UNC119: variants seen among roughly 807,000 people sequenced by gnomAD.
UNC119 encodes the protein unc-119 lipid binding chaperone, also known as protein unc-119 homolog A.
A neutral mutation model predicts 22.6 loss-of-function variants in UNC119; 15 were observed. That is an observed-to-expected ratio of 0.66 (90% CI 0.44 to 1.02). The LOEUF (loss-of-function observed/expected upper bound fraction) is 1.02. UNC119 is among the 50% of genes least tolerant of loss of function. UNC119 has a pLI of 0.00. For missense variants in UNC119, 322 were observed against 336.0 expected (o/e 0.96, Z 0.33); for synonymous variants, 138 against 139.4 (o/e 0.99, Z 0.07).
intron 1 of UNC119, chr17:28,549,169 G>A (rs2070245038): frequency 6.0e-6 from 1 of 167,670 alleles, no homozygotes; most frequent in African/African-American, 2.4e-5. Flanking sequence ...CAACTTCTCT[G>A]GTACCCTGCC....
rs887216861 is a variant in UNC119 at position 28,548,765 on chromosome 17, C to G, written c.221-60G>C. 3.6e-6 allele frequency: 5 copies of G among 1,370,530 alleles called. No homozygotes were observed. The African/African-American group carries it at 7.1e-5, about 20-fold the overall frequency. The allele number at this position is 1,370,530 out of a possible 1,614,324, so 84.9% of individuals were successfully genotyped here. A position where few individuals can be genotyped will look rare whatever the true frequency, so the allele number is the denominator to read the frequency against. ...CGCAAAGCCCCTGCTGCCAGGTCAG[C>G]TTGTGTGGGACCCCAGAGTAGCTAC... On this transcript the variant is annotated intron_variant, in intron 1 of 4. Coordinates refer to ENST00000335765, the MANE Select transcript of UNC119 (RefSeq NM_005148.4).
Position 28,547,991 on chromosome 17 carries a change from C to T in UNC119, c.437+8G>A, listed in dbSNP as rs370221268. The T allele has an allele frequency of 1.5e-5, 24 of 1,613,618 alleles. No individual in the cohort carries two copies. Among genetic ancestry groups the T allele is most frequent in the South Asian group, 1.3e-4 (12 of 91,088 alleles). ...ACCCCCACCACCACCCATAGCCCAGCGACTCACGTGGCTCCCACCTGCCTC... is the reference window on the plus strand; with the variant it reads ...ACCCCCACCACCACCCATAGCCCAGTGACTCACGTGGCTCCCACCTGCCTC... On this transcript the variant is annotated splice_region_variant and intron_variant, in intron 3 of 4. Transcript: ENST00000335765.
intron 1 of UNC119, chr17:28,549,516 T>G (rs943869634): frequency 6.6e-6 from 1 of 152,392 alleles, no homozygotes; most frequent in African/African-American, 2.4e-5. Context: ...GCTCTCATCC[T>G]TTGTTGATCT....
chr17:28,547,373 G>A lies in UNC119; in HGVS notation c.647C>T (p.Ser216Phe). Residue 216 changes from serine (S) to phenylalanine (F), a missense_variant, in exon 5 of 5, where the codon TCT becomes TTT. Physicochemically the swap from Ser to Phe is radical, Grantham distance 155. Coordinates refer to ENST00000335765, the MANE Select transcript of UNC119 (RefSeq NM_005148.4). ...GTCATCCACGAAGTAGAAGCTGTCA[G>A]ACTGGGTCTCATACGGGTGGCGGAT... ...EMIRHPYETQ[S>F]DSFYFVDDRL... The A allele has an allele frequency of 6.2e-7, 1 of 1,614,236 alleles. No homozygotes were observed. Among genetic ancestry groups the A allele is most frequent in the Non-Finnish European group, 8.5e-7 (1 of 1,180,032 alleles).
Position 28,552,255 on chromosome 17 carries a change from G to A in UNC119, c.220+83C>T, listed in dbSNP as rs1019990123. Reference sequence around the variant, plus strand: ...GAGGGGAGGCGGGAAAGGGGGCGGGGGCCAGGGCTTGGCGCGCCGGGAGGG... The same window carrying A: ...GAGGGGAGGCGGGAAAGGGGGCGGGAGCCAGGGCTTGGCGCGCCGGGAGGG... On this transcript the variant is annotated intron_variant, in intron 1 of 4. Coordinates refer to ENST00000335765, the MANE Select transcript of UNC119 (RefSeq NM_005148.4). 3 of 1,328,380 alleles carry A rather than the reference G, an allele frequency of 2.3e-6. No homozygotes were observed. In the South Asian group the frequency reaches 4.1e-5, roughly 18 times the overall value. The allele number at this position is 1,328,380 out of a possible 1,614,324, so 82.3% of individuals were successfully genotyped here.
At position 28,548,100 on chromosome 17, in the gene UNC119, T is replaced by C; in HGVS notation, c.336A>G (p.Glu112=). The C allele has an allele frequency of 6.2e-7, 1 of 1,612,506 alleles. No individual in the cohort carries two copies. The highest frequency in any genetic ancestry group is 8.5e-7 in the Non-Finnish European group (1 of 1,179,550). ...LFEIKKPPVS[E]RLPINRRDLD... is the part of the protein sequence containing the mutation. ...GGTCCCGCCGGTTGATGGGCAACCGTTCTGCAATGTACCCCAGCTGGGGCT... is the reference window on the plus strand; with the variant it reads ...GGTCCCGCCGGTTGATGGGCAACCGCTCTGCAATGTACCCCAGCTGGGGCT... Residue 112 remains glutamate (E), a splice_region_variant and synonymous_variant, in exon 3 of 5, where the codon GAA becomes GAG. Transcript: ENST00000335765.
At position 28,547,845 on chromosome 17, in the gene UNC119, C is replaced by T. The variant is rs1433793949; in HGVS notation, c.442G>A (p.Glu148Lys). Residue 148 changes from glutamate (E) to lysine (K), a missense_variant, in exon 4 of 5, where the codon GAG becomes AAG. Transcript: ENST00000335765. ...LRLRQVGATV[E>K]FTVGDKPVNN... Reference sequence around the variant, plus strand: ...ACAGGCTTGTCTCCCACTGTGAACTCCACCCTGAGCAAGAAAAGGAGGCAG... The same window carrying T: ...ACAGGCTTGTCTCCCACTGTGAACTTCACCCTGAGCAAGAAAAGGAGGCAG... 6.2e-7 allele frequency: 1 copy of T among 1,613,972 alleles called. No homozygotes were observed. Among genetic ancestry groups the T allele is most frequent in the Non-Finnish European group, 8.5e-7 (1 of 1,179,970 alleles).
intron 2 of UNC119, 59 bp downstream of exon 2, chr17:28,548,533 G>A (rs1000241430): frequency 7.0e-7 from 1 of 1,434,782 alleles, no homozygotes; most frequent in South Asian, 1.1e-5. Context: ...GATTCCCTGG[G>A]CAGCCCACTC....
In UNC119 at chr17:28,547,427, C is replaced by A. The variant is rs367616490; in HGVS notation, c.611-18G>T. The stretch of plus-strand genomic sequence containing the variant: ...CTCGCTGACTGCAAGAGAGGCCCAG[C>A]CAGGCCGGGCAAAGGTCAGGAGCTT... On this transcript the variant is annotated intron_variant, in intron 4 of 4. Coordinates refer to ENST00000335765, the MANE Select transcript of UNC119 (RefSeq NM_005148.4). 1.2e-6 allele frequency: 2 copies of A among 1,613,552 alleles called. No individual in the cohort carries two copies. Among genetic ancestry groups the A allele is most frequent in the Admixed American group, 1.7e-5 (1 of 59,960 alleles).
At chr17:28,547,490 A>G in intron 4 of UNC119, 81 bp from the exon 5 acceptor site, 1 of 1,594,892 alleles carries the variant, frequency 6.3e-7, no homozygotes, top group South Asian at 1.1e-5. Context: ...ACTGGGGTAC[A>G]GGGACAGCCA....
chr17:28,548,511 C>G, intron 2 of UNC119, 81 bp downstream of exon 2: 1 of 1,232,726 alleles, frequency 8.1e-7, no homozygotes, highest in Non-Finnish European at 1.2e-6. Context: ...GTGGACTCCT[C>G]TGTGGCCCAA....
intron 1 of UNC119, chr17:28,551,817 C>T: frequency 4.2e-6 from 1 of 236,756 alleles, no homozygotes; most frequent in East Asian, 1.4e-4. Flanking sequence ...GCTGCCTGCT[C>T]AGTTTCTTTC....
rs568917704 is a variant in UNC119 at position 28,552,623 on chromosome 17, A to C, written c.-66T>G. 265 of 1,398,416 alleles carry C rather than the reference A, an allele frequency of 1.9e-4. 1 individual carries two copies. The highest frequency in any genetic ancestry group is 1.7e-3 in the South Asian group (120 of 71,276). The allele number at this position is 1,398,416 out of a possible 1,614,324, so 86.6% of individuals were successfully genotyped here. On this transcript the variant is annotated 5_prime_UTR_variant, in exon 1 of 5. Coordinates refer to ENST00000335765, the MANE Select transcript of UNC119 (RefSeq NM_005148.4). ...GCCTGCGCCGGCTGGAGCCGGGGGA[A>C]GTGGGAGCATCCGCAGCCCCGCCCC...
intron 1 of UNC119, chr17:28,550,421 CCT>C (rs1180308070): frequency 6.6e-6 from 1 of 152,184 alleles, no homozygotes; most frequent in Non-Finnish European, 1.5e-5. Context: ...AATCTATCAA[CCT>C]CTCTGTCCTT....
At chr17:28,549,865 G>A (rs184390089) in intron 1 of UNC119, 1 of 152,214 alleles carries the variant, frequency 6.6e-6, no homozygotes, top group Non-Finnish European at 1.5e-5. Flanking sequence ...TGCAGGGAGG[G>A]ACTCGTGCTG....
Position 28,552,595 on chromosome 17 carries a change from G to C in UNC119, c.-38C>G, listed in dbSNP as rs886052766. Reference sequence around the variant, plus strand: ...CCGAGGCTCGCCTGCTGCTGCCGCCGCTGCCTGCGCCGGCTGGAGCCGGGG... The same window carrying C: ...CCGAGGCTCGCCTGCTGCTGCCGCCCCTGCCTGCGCCGGCTGGAGCCGGGG... On this transcript the variant is annotated 5_prime_UTR_variant, in exon 1 of 5. Coordinates refer to ENST00000335765, the MANE Select transcript of UNC119 (RefSeq NM_005148.4). The C allele has an allele frequency of 3.4e-6, 5 of 1,473,070 alleles. No individual in the cohort carries two copies. Among genetic ancestry groups the C allele is most frequent in the Non-Finnish European group, 3.6e-6 (4 of 1,117,282 alleles). The allele number at this position is 1,473,070 out of a possible 1,614,324, so 91.2% of individuals were successfully genotyped here. A position where few individuals can be genotyped will look rare whatever the true frequency, so the allele number is the denominator to read the frequency against.
chr17:28,551,974 C>T (rs1307691114), intron 1 of UNC119: 1 of 426,338 alleles, frequency 2.3e-6, no homozygotes, highest in East Asian at 6.6e-5. Flanking sequence ...CTGCACTCAG[C>T]CCCTCTCTTC....
chr17:28,548,567 T>G, intron 2 of UNC119, 25 bp downstream of exon 2: 1 of 1,600,430 alleles, frequency 6.2e-7, no homozygotes, highest in Non-Finnish European at 8.6e-7. Flanking sequence ...TGCCTCCCCA[T>G]CAATGGCCCA....
intron 3 of UNC119, 67 bp downstream of exon 3, chr17:28,547,932 A>T: frequency 6.2e-7 from 1 of 1,612,516 alleles, no homozygotes; most frequent in Non-Finnish European, 8.5e-7. Context: ...CCCCTACGAG[A>T]GGCTGAGAAG....
Sources: gnomAD v4.1 joint callset for allele counts on GRCh38, gnomAD v4.1.1 for gene constraint, MANE v1.5 for transcripts, NCBI Gene and HGNC (gene_info 2026-07-23, HGNC 2026-07-21) for gene names.